Variants in ABI3BP observed in about 807,000 individuals in gnomAD.
ABI3BP encodes the protein target of Nesh-SH3.
In ABI3BP, 216 loss-of-function variants were observed where a neutral mutation model predicts 268.6. The ratio of observed to expected loss-of-function variants is 0.80; its 90% CI spans 0.72 to 0.90. The LOEUF is 0.90. ABI3BP is among the 40% of genes least tolerant of loss of function. The probability of loss-of-function intolerance (pLI) is 0.00; values close to 1 mark genes in which losing one functional copy is unlikely to be tolerated. For missense variants in ABI3BP, 2,090 were observed against 2,182.4 expected (o/e 0.96, Z 0.84); for synonymous variants, 730 against 730.0 (o/e 1.00, Z 0.00).
intron 1 of ABI3BP, among the ~76,000 whole-genome samples, chr3:100,948,170 A>G (rs2073380560): frequency 6.6e-6 from 1 of 152,184 alleles, no homozygotes; most frequent in African/African-American, 2.4e-5. Flanking sequence ...ACATTAAAAT[A>G]TGTGTTAGAA....
intron 44 of ABI3BP, among the ~76,000 whole-genome samples, chr3:100,815,133 C>T (rs1055462916): frequency 6.6e-6 from 1 of 152,044 alleles, no homozygotes; most frequent in African/African-American, 2.4e-5. Flanking sequence ...TCCTTTATGT[C>T]TTTGAAACTA....
chr3:100,817,656 C>T (rs73135537), intron 41 of ABI3BP, among the ~76,000 whole-genome samples, 161 bp from the exon 42 acceptor site: 21,810 of 152,208 alleles, frequency 0.14, 1,981 homozygotes, highest in South Asian at 0.27. Flanking sequence ...ATTTGCAAGA[C>T]AGCATTGCAC....
intron 2 of ABI3BP, among the ~76,000 whole-genome samples, chr3:100,903,490 T>C (rs954246361): frequency 6.6e-6 from 1 of 152,236 alleles, no homozygotes; most frequent in Non-Finnish European, 1.5e-5. Context: ...GCAACTCTAC[T>C]GGATTAATGG....
chr3:100,918,995 G>A (rs1583360368), intron 2 of ABI3BP, among the ~76,000 whole-genome samples: 1 of 152,134 alleles, frequency 6.6e-6, no homozygotes, highest in Non-Finnish European at 1.5e-5. Flanking sequence ...CTGCATAACT[G>A]CCATCTTGCA....
At chr3:100,872,089 T>C (rs1320795073) in intron 9 of ABI3BP, among the ~76,000 whole-genome samples, 1 of 152,198 alleles carries the variant, frequency 6.6e-6, no homozygotes, top group African/African-American at 2.4e-5. Flanking sequence ...AACGATTCCC[T>C]GGCTTCAGCC....
chr3:100,756,545 CAAA>C (rs930797286), intron 63 of ABI3BP, among the ~76,000 whole-genome samples: 1 of 151,790 alleles, frequency 6.6e-6, no homozygotes, highest in East Asian at 1.9e-4. Context: ...CAAAACAAAA[CAAA>C]AAAGCCCATA....
intron 62 of ABI3BP, among the ~76,000 whole-genome samples, chr3:100,769,981 A>G (rs1031734449): frequency 7.9e-5 from 12 of 152,252 alleles, no homozygotes; most frequent in African/African-American, 2.4e-4. Flanking sequence ...TGCATGCGCT[A>G]CCTGGTCCTG....
At chr3:100,757,869 C>T (rs9823506) in intron 63 of ABI3BP, among the ~76,000 whole-genome samples, 6,198 of 152,160 alleles carry the variant, frequency 0.041, 379 homozygotes, top group African/African-American at 0.13. Flanking sequence ...AATTTAGCAA[C>T]AGGGAGGAGA....
intron 5 of ABI3BP, 57 bp downstream of exon 5, chr3:100,886,085 G>C: frequency 7.5e-7 from 1 of 1,327,132 alleles, no homozygotes; most frequent in Non-Finnish European, 1.0e-6. Context: ...TTAAAAATTA[G>C]GTAACTAAGA....
chr3:100,931,285 C>T (rs1328253873), intron 1 of ABI3BP, among the ~76,000 whole-genome samples: 1 of 152,054 alleles, frequency 6.6e-6, no homozygotes, highest in Non-Finnish European at 1.5e-5. Context: ...AGAACTGGCA[C>T]AAGACAGGGA....
chr3:100,806,939 CA>C (rs2097725839), intron 50 of ABI3BP, among the ~76,000 whole-genome samples: 1 of 152,162 alleles, frequency 6.6e-6, no homozygotes, highest in South Asian at 2.1e-4. Context: ...AAGTACAGCT[CA>C]AAAAGATAAA....
chr3:100,751,484 C>T, intron 67 of ABI3BP, 68 bp downstream of exon 67: 1 of 1,414,458 alleles, frequency 7.1e-7, no homozygotes, highest in Admixed American at 2.8e-5. Context: ...GCTTGCTTTC[C>T]TCAGCTTGAT....
intron 2 of ABI3BP, among the ~76,000 whole-genome samples, chr3:100,923,234 A>G (rs1231436699): frequency 6.6e-6 from 1 of 152,204 alleles, no homozygotes. Flanking sequence ...AATGACTTCA[A>G]TAGCTACTTT....
Position 100,754,647 on chromosome 3 carries a change from G to C in ABI3BP, c.4895C>G (p.Pro1632Arg). The change falls in exon 64 of 68, where the codon CCG (proline) becomes CGG (arginine). Residue 1632 changes from proline to arginine, a missense_variant. Transcript: ENST00000471714. The stretch of plus-strand genomic sequence containing the variant: ...ACTGAATGCCACTGTGTTGCTGACC[G>C]GGCCTTCACCAAGCGGGTTTTTGGG... ...VKPKNPLGEG[P>R]VSNTVAFSTE... 1 of 1,592,532 alleles carries C rather than the reference G, an allele frequency of 6.3e-7. No individual in the cohort carries two copies. The highest frequency in any genetic ancestry group is 8.6e-7 in the Non-Finnish European group (1 of 1,168,514).
intron 1 of ABI3BP, among the ~76,000 whole-genome samples, chr3:100,964,122 A>G (rs2153828022): frequency 6.6e-6 from 1 of 152,284 alleles, no homozygotes; most frequent in Non-Finnish European, 1.5e-5. Context: ...TGTAGCAAAA[A>G]GGAGCCTGCA....
At chr3:100,896,491 C>T (rs139839093) in intron 4 of ABI3BP, among the ~76,000 whole-genome samples, 342 of 152,260 alleles carry the variant, frequency 2.2e-3, no homozygotes, top group African/African-American at 7.8e-3. Flanking sequence ...AATTATGCTA[C>T]ACAAGTTTGC....
At chr3:100,932,991 G>A (rs1393151274) in intron 1 of ABI3BP, among the ~76,000 whole-genome samples, 3 of 151,954 alleles carry the variant, frequency 2.0e-5, no homozygotes, top group African/African-American at 7.2e-5. Flanking sequence ...CATTTAGTAG[G>A]AGGAATTCTT....
At position 100,827,210 on chromosome 3, in the gene ABI3BP, C is replaced by T. The variant is rs548241180; in HGVS notation, c.2602+1183G>A. ...GCTTATTCTCATTCTCTAGGCTTTT[C>T]GCGTGGGAAGTTTTTGTGTTCAACT... On this transcript the variant is annotated intron_variant, in intron 34 of 67. Coordinates refer to ENST00000471714, the MANE Select transcript of ABI3BP (RefSeq NM_001375547.2). Among the ~76,000 whole-genome samples, 121 of 152,208 alleles carry T rather than the reference C, an allele frequency of 7.9e-4. 1 individual carries two copies. Among genetic ancestry groups the T allele is most frequent in the African/African-American group, 2.7e-3 (113 of 41,542 alleles).
At chr3:100,887,461 T>C (rs2042508585) in intron 4 of ABI3BP, among the ~76,000 whole-genome samples, 1 of 152,070 alleles carries the variant, frequency 6.6e-6, no homozygotes, top group Admixed American at 6.6e-5. Flanking sequence ...TTTCTGATAG[T>C]GCTTTAACTC....
Sources: allele counts gnomAD v4.1 joint callset (sites outside exome capture counted in the v4.1 genomes callset), GRCh38; gene constraint gnomAD v4.1.1; transcripts MANE v1.5; gene names NCBI Gene and HGNC (gene_info 2026-07-23, HGNC 2026-07-21).